ATAD2: variants seen among roughly 807,000 people sequenced by gnomAD.
ATAD2 encodes the protein ATPase family AAA domain-containing protein 2.
In ATAD2, 62 loss-of-function variants were observed where a neutral mutation model predicts 168.9. That is an observed-to-expected ratio of 0.37 (90% CI 0.30 to 0.45). The LOEUF is 0.45. ATAD2 is among the 20% of genes least tolerant of loss of function. The pLI is 1.00. For missense variants in ATAD2, 1,419 were observed against 1,667.8 expected, an observed-to-expected ratio of 0.85 and a Z score of 2.60; for synonymous variants, 613 against 571.6, an observed-to-expected ratio of 1.07 and a Z score of -1.03.
intron 24 of ATAD2, among the ~76,000 whole-genome samples, 194 bp from the exon 25 acceptor site, chr8:123,328,773 TA>T (rs1361724812): frequency 1.3e-5 from 2 of 150,014 alleles, no homozygotes; most frequent in African/African-American, 4.9e-5. Flanking sequence ...CATAAAATGG[TA>T]AAAAATTTTG....
chr8:123,374,231 T>C (rs368026281), intron 2 of ATAD2, among the ~76,000 whole-genome samples: 55 of 152,210 alleles, frequency 3.6e-4, no homozygotes, highest in South Asian at 2.5e-3. Flanking sequence ...CAGGTGCCTG[T>C]AGTCCCACCT....
intron 1 of ATAD2, 125 bp downstream of exon 1, chr8:123,396,062 C>A: frequency 2.7e-6 from 3 of 1,131,142 alleles, no homozygotes; most frequent in Middle Eastern, 3.0e-4. Flanking sequence ...CGTCCTCGAC[C>A]ACACTTCTCC....
Position 123,356,450 on chromosome 8 carries a change from A to T in ATAD2, c.1585T>A (p.Phe529Ile). The T allele has an allele frequency of 6.2e-7, 1 of 1,612,762 alleles. No individual in the cohort carries two copies. Among genetic ancestry groups the T allele is most frequent in the East Asian group, 2.2e-5 (1 of 44,816 alleles). ...QAYQMRPSII[F>I]FDEIDGLAPV... ...GCCAGACCATCAATTTCGTCAAAAAAAATAATTGATGGGCGCATCTGATAG... is the reference window on the plus strand; with the variant it reads ...GCCAGACCATCAATTTCGTCAAAAATAATAATTGATGGGCGCATCTGATAG... Residue 529 changes from phenylalanine to isoleucine, a missense_variant, in exon 13 of 28, where the codon TTT becomes ATT. By Grantham distance (21) the Phe-to-Ile change is conservative. This residue lies in a region of ATAD2 where 545 missense variants were observed against 724.9 expected (regional missense o/e 0.75). Coordinates refer to ENST00000287394, the MANE Select transcript of ATAD2 (RefSeq NM_014109.4).
In ATAD2 at chr8:123,349,207, A is replaced by C. The variant is rs76670443; in HGVS notation, c.1806+78T>G. ...ATGATACAAAACTCAAGAATCTCCA[A>C]ATTTTTACTATACCAAGACTTATTA... On this transcript the variant is annotated intron_variant, in intron 14 of 27. Coordinates refer to ENST00000287394, the MANE Select transcript of ATAD2 (RefSeq NM_014109.4). 3,269 of 1,438,574 alleles carry C rather than the reference A, an allele frequency of 2.3e-3. 58 individuals are homozygous for C. The African/African-American group carries it at 0.04, about 18-fold the overall frequency. The allele number at this position is 1,438,574 out of a possible 1,614,324, so 89.1% of individuals were successfully genotyped here.
At chr8:123,360,958 T>C (rs1828800018) in intron 9 of ATAD2, among the ~76,000 whole-genome samples, 1 of 149,012 alleles carries the variant, frequency 6.7e-6, no homozygotes, top group African/African-American at 2.5e-5. Flanking sequence ...AAAAAATACA[T>C]GAAAAGAAAA....
At chr8:123,388,755 G>A (rs191381971) in intron 1 of ATAD2, among the ~76,000 whole-genome samples, 15 of 152,164 alleles carry the variant, frequency 9.9e-5, no homozygotes, top group Admixed American at 6.5e-4. Flanking sequence ...GGCTGGTCTC[G>A]AACTTCTGGT....
In ATAD2 at chr8:123,346,133, C is replaced by A; in HGVS notation, c.2485G>T (p.Val829Phe). ...GATGTAGTACTAACTCCAAAAAGAA[C>A]AGGAATGTCTAATGTATATACAGTA... ...KFTVYTLDIP[V>F]LFGVSTTSPE... is the part of the protein sequence containing the mutation. Residue 829 changes from valine to phenylalanine, a missense_variant, in exon 18 of 28, where the codon GTT (valine) becomes TTT (phenylalanine). Physicochemically the swap from Val to Phe is conservative, Grantham distance 50 (BLOSUM62 -1). Transcript: ENST00000287394. 1 of 1,598,948 alleles carries A rather than the reference C, an allele frequency of 6.3e-7. No homozygotes were observed. Among genetic ancestry groups the A allele is most frequent in the Non-Finnish European group, 8.5e-7 (1 of 1,174,380 alleles).
At chr8:123,370,793 T>A (rs1443834665) in intron 6 of ATAD2, 110 bp downstream of exon 6, 1 of 721,934 alleles carries the variant, frequency 1.4e-6, no homozygotes, top group Non-Finnish European at 2.2e-6. Context: ...TCCTCTGATC[T>A]CTCACAAACT....
intron 13 of ATAD2, among the ~76,000 whole-genome samples, chr8:123,354,368 G>C (rs911139762): frequency 2.6e-5 from 4 of 152,074 alleles, no homozygotes; most frequent in African/African-American, 9.7e-5. Context: ...GAATTTTTAA[G>C]TTTTTGGTTA....
intron 1 of ATAD2, chr8:123,416,158 C>G (rs1813271031): frequency 6.6e-6 from 1 of 152,282 alleles, no homozygotes; most frequent in Admixed American, 6.6e-5. Context: ...TTAACCTCCA[C>G]TCCCCTCTTC....
At chr8:123,383,920 A>G (rs552564799) in intron 1 of ATAD2, among the ~76,000 whole-genome samples, 2 of 151,888 alleles carry the variant, frequency 1.3e-5, no homozygotes, top group East Asian at 3.9e-4. Context: ...CGTCTTTACT[A>G]AAAATACAAA....
chr8:123,343,419 C>T lies in ATAD2; in HGVS notation c.2718+1465G>A, dbSNP rs995214106. 2.0e-5 allele frequency among the ~76,000 whole-genome samples: 3 copies of T among 152,186 alleles called. No individual in the cohort carries two copies. In the South Asian group the frequency reaches 6.2e-4, roughly 31 times the overall value. ...TTTAAAACTTCTCTCCCCCACTCAA[C>T]TAAAATGTTAGCCCTACATGTGTAA... On this transcript the variant is annotated intron_variant, in intron 19 of 27. Coordinates refer to ENST00000287394, the MANE Select transcript of ATAD2 (RefSeq NM_014109.4).
At chr8:123,357,936 CT>C (rs1828698402) in intron 11 of ATAD2, among the ~76,000 whole-genome samples, 200 bp from the exon 12 acceptor site, 1 of 152,126 alleles carries the variant, frequency 6.6e-6, no homozygotes, top group Non-Finnish European at 1.5e-5. Context: ...AATATTGAAA[CT>C]GTAAATAAAA....
At chr8:123,322,633 A>G (rs1477734552) in intron 27 of ATAD2, among the ~76,000 whole-genome samples, 5 of 152,204 alleles carry the variant, frequency 3.3e-5, no homozygotes, top group Admixed American at 3.3e-4. Flanking sequence ...AGATCGCACC[A>G]CTGCACTCCA....
intron 21 of ATAD2, among the ~76,000 whole-genome samples, chr8:123,337,324 T>C (rs1827946744): frequency 6.6e-6 from 1 of 151,724 alleles, no homozygotes; most frequent in Non-Finnish European, 1.5e-5. Context: ...GATCGCGCCA[T>C]TGCATTCCAG....
intron 22 of ATAD2, among the ~76,000 whole-genome samples, chr8:123,336,035 G>A (rs771182188): frequency 6.6e-6 from 1 of 152,048 alleles, no homozygotes; most frequent in Non-Finnish European, 1.5e-5. Context: ...ATTACAGAGT[G>A]CCTACTTTTC....
At chr8:123,357,512 T>A (rs1279671695) in intron 12 of ATAD2, 50 bp downstream of exon 12, 4 of 1,490,986 alleles carry the variant, frequency 2.7e-6, no homozygotes, top group Admixed American at 2.1e-5. Context: ...CTCACACACA[T>A]CTGCCTAGAT....
At chr8:123,374,821 C>T (rs1829255095) in intron 2 of ATAD2, among the ~76,000 whole-genome samples, 1 of 152,210 alleles carries the variant, frequency 6.6e-6, no homozygotes, top group Non-Finnish European at 1.5e-5. Context: ...TTAAACATTA[C>T]TTCAGAGGTT....
At chr8:123,334,706 A>C (rs889923115) in intron 22 of ATAD2, among the ~76,000 whole-genome samples, 2 of 152,250 alleles carry the variant, frequency 1.3e-5, no homozygotes, top group African/African-American at 4.8e-5. Flanking sequence ...AGAGGTTGTT[A>C]TTGCATTGAC....
Sources: gnomAD v4.1 joint callset for allele counts (sites outside exome capture counted in the v4.1 genomes callset) on GRCh38, gnomAD v4.1.1 for gene constraint, gnomAD v4.1.1 regional missense constraint, MANE v1.5 for transcripts, NCBI Gene and HGNC (gene_info 2026-07-23, HGNC 2026-07-21) for gene names.